The following WWC2 variants were observed in gnomAD, a reference collection of about 807,000 sequenced individuals.
The protein encoded by WWC2 is WW and C2 domain containing 2.
In WWC2, 101 loss-of-function variants were observed where a neutral mutation model predicts 138.5. The observed-to-expected ratio is 0.73, with a 90% CI of 0.62 to 0.86. The LOEUF is 0.86. WWC2 is among the 40% of genes least tolerant of loss of function. WWC2 has a pLI of 0.00. For synonymous variants in WWC2, 558 were observed against 538.4 expected, an observed-to-expected ratio of 1.04 and a Z score of -0.50; for missense variants, 1,420 against 1,419.4, an observed-to-expected ratio of 1.00 and a Z score of -0.01.
intron 21 of WWC2, among the ~76,000 whole-genome samples, chr4:183,302,127 T>C (rs1224527095): frequency 6.6e-6 from 1 of 152,266 alleles, no homozygotes; most frequent in African/African-American, 2.4e-5. Context: ...CACACACTTT[T>C]ATGCATATTT....
chr4:183,317,627 G>C lies in WWC2; in HGVS notation c.*1898G>C, dbSNP rs1222968376. ...CTATAGAATTATGTGTAGTTGTTCC[G>C]TACGATTTTATTTTCTTCATTTATT... On this transcript the variant is annotated 3_prime_UTR_variant, in exon 23 of 23. Coordinates refer to ENST00000403733, the MANE Select transcript of WWC2 (RefSeq NM_024949.6). 1 of 152,526 alleles carries C rather than the reference G, an allele frequency of 6.6e-6. No homozygotes were observed. The highest frequency in any genetic ancestry group is 1.5e-5 in the Non-Finnish European group (1 of 68,002). The allele number at this position is 152,526 out of a possible 1,614,324, so 9.4% of individuals were successfully genotyped here. A position where few individuals can be genotyped will look rare whatever the true frequency, so the allele number is the denominator to read the frequency against.
At chr4:183,228,940 T>G (rs1476903297) in intron 4 of WWC2, among the ~76,000 whole-genome samples, 2 of 151,960 alleles carry the variant, frequency 1.3e-5, no homozygotes, top group Non-Finnish European at 2.9e-5. Context: ...CAGTGTTGAG[T>G]GGGTGAAGCT....
chr4:183,189,280 CA>C (rs959026046), intron 1 of WWC2, among the ~76,000 whole-genome samples: 96 of 151,374 alleles, frequency 6.3e-4, no homozygotes, highest in African/African-American at 2.2e-3. Context: ...ACTAAAAATA[CA>C]AAAAAATTAG....
intron 1 of WWC2, among the ~76,000 whole-genome samples, chr4:183,145,303 A>T (rs1319738625): frequency 6.6e-6 from 1 of 152,198 alleles, no homozygotes; most frequent in Admixed American, 6.5e-5. Context: ...TCCTGGCAAT[A>T]TTTATTTTCG....
intron 21 of WWC2, among the ~76,000 whole-genome samples, chr4:183,290,814 G>T (rs1738423619): frequency 6.6e-6 from 1 of 152,196 alleles, no homozygotes; most frequent in African/African-American, 2.4e-5. Flanking sequence ...TCTTGTCTAT[G>T]ATATAAACTG....
Position 183,302,515 on chromosome 4 carries a change from G to A in WWC2, c.3385-9826G>A, listed in dbSNP as rs181457185. On this transcript the variant is annotated intron_variant, in intron 21 of 22. Coordinates refer to ENST00000403733, the MANE Select transcript of WWC2 (RefSeq NM_024949.6). ...GACCTTTGCCTGAGTCAATGTCGAC[G>A]TCGATCTCTCTCTCTCTCTGTCAGG... Among the ~76,000 whole-genome samples the A allele has an allele frequency of 9.9e-5, 15 of 152,258 alleles. No homozygotes were observed. In the East Asian group the frequency reaches 2.9e-3, roughly 29 times the overall value.
intron 1 of WWC2, among the ~76,000 whole-genome samples, chr4:183,103,704 C>G (rs1743259303): frequency 6.8e-6 from 1 of 146,476 alleles, no homozygotes; most frequent in Non-Finnish European, 1.5e-5. Context: ...GTGGTGCCAT[C>G]TCGCCTCACT....
At chr4:183,309,337 T>C (rs1469891008) in intron 21 of WWC2, among the ~76,000 whole-genome samples, 1 of 152,210 alleles carries the variant, frequency 6.6e-6, no homozygotes, top group Non-Finnish European at 1.5e-5. Context: ...AAAAGTTATG[T>C]CTGATAAAGG....
intron 16 of WWC2, among the ~76,000 whole-genome samples, chr4:183,278,706 T>G (rs976315076): frequency 5.9e-5 from 9 of 152,090 alleles, no homozygotes; most frequent in African/African-American, 2.2e-4. Flanking sequence ...CACTTGTAAG[T>G]TGGATTCCTA....
At chr4:183,226,435 C>T (rs1460764814) in intron 4 of WWC2, among the ~76,000 whole-genome samples, 1 of 150,740 alleles carries the variant, frequency 6.6e-6, no homozygotes, top group African/African-American at 2.5e-5. Context: ...ATTAAGTGGT[C>T]ATAAAAATAC....
intron 1 of WWC2, among the ~76,000 whole-genome samples, chr4:183,128,857 AGT>A (rs1230704187): frequency 1.1e-4 from 17 of 152,366 alleles, no homozygotes; most frequent in South Asian, 1.0e-3. Flanking sequence ...CAGTAGATGT[AGT>A]GTATCTGAAC....
chr4:183,289,120 C>G (rs187668723), intron 20 of WWC2, among the ~76,000 whole-genome samples: 157 of 152,320 alleles, frequency 1.0e-3, no homozygotes, highest in African/African-American at 3.5e-3. Context: ...AGGGCCCATG[C>G]TGATGGAGCC....
chr4:183,242,945 GA>G (rs1195233261), intron 5 of WWC2, among the ~76,000 whole-genome samples: 3 of 152,044 alleles, frequency 2.0e-5, no homozygotes, highest in Non-Finnish European at 2.9e-5. Flanking sequence ...TGAAATAAAG[GA>G]AAAAGGCAGC....
chr4:183,319,511 G>A lies in WWC2; in HGVS notation c.*3782G>A. ...AGCGGGACATCCTACCAAATCCAGT[G>A]TTGAGCAAGCGTCTCCTGAACAGCA... On this transcript the variant is annotated 3_prime_UTR_variant, in exon 23 of 23. Coordinates refer to ENST00000403733, the MANE Select transcript of WWC2 (RefSeq NM_024949.6). 6.5e-7 allele frequency: 1 copy of A among 1,534,074 alleles called. No individual in the cohort carries two copies. Among genetic ancestry groups the A allele is most frequent in the Non-Finnish European group, 8.8e-7 (1 of 1,139,852 alleles).
At chr4:183,266,315 G>A (rs1414275596) in intron 14 of WWC2, among the ~76,000 whole-genome samples, 2 of 152,298 alleles carry the variant, frequency 1.3e-5, no homozygotes, top group East Asian at 1.9e-4. Flanking sequence ...ACATTAAAAT[G>A]TAGTGATTAA....
chr4:183,247,838 T>C (rs540799745), intron 6 of WWC2, among the ~76,000 whole-genome samples: 1 of 145,542 alleles, frequency 6.9e-6, no homozygotes, highest in East Asian at 2.0e-4. Context: ...ATAGAGAAAG[T>C]TAGGTAAAAA....
At chr4:183,261,615 A>G in intron 11 of WWC2, 83 bp downstream of exon 11, 2 of 1,424,594 alleles carry the variant, frequency 1.4e-6, no homozygotes, top group Non-Finnish European at 1.9e-6. Context: ...CCATATAAAC[A>G]AAGGGTATGA....
intron 1 of WWC2, among the ~76,000 whole-genome samples, chr4:183,117,989 G>A (rs1321558741): frequency 6.6e-6 from 1 of 151,294 alleles, no homozygotes; most frequent in Non-Finnish European, 1.5e-5. Context: ...TAGTAGAGAC[G>A]GGGTTTCGCC....
In WWC2 at chr4:183,319,123, T is replaced by C. The variant is rs755139832; in HGVS notation, c.*3394T>C. 1.2e-5 allele frequency: 2 copies of C among 160,182 alleles called. No individual in the cohort carries two copies. The allele number at this position is 160,182 out of a possible 1,614,324, so 9.9% of individuals were successfully genotyped here. On this transcript the variant is annotated 3_prime_UTR_variant, in exon 23 of 23. Transcript: ENST00000403733. ...GAAGCTTCTAAAGAGCTAGTAATTA[T>C]TTTATATAATAAGACGTCATGCATT...
Sources: allele counts gnomAD v4.1 joint callset (sites outside exome capture counted in the v4.1 genomes callset), GRCh38; gene constraint gnomAD v4.1.1; transcripts MANE v1.5; gene names NCBI Gene and HGNC (gene_info 2026-07-23, HGNC 2026-07-21).